The following MAL variants were observed in gnomAD, a reference collection of about 807,000 sequenced individuals.
MAL encodes the protein mal, T cell differentiation protein (MAL blood group), also known as myelin and lymphocyte protein.
A neutral mutation model predicts 16.7 loss-of-function variants in MAL; 5 were observed. The observed-to-expected ratio is 0.30, with a 90% CI of 0.16 to 0.63. MAL has a LOEUF of 0.63. Ranked by LOEUF, MAL falls within the 30% of genes least tolerant of loss-of-function variation. The probability of loss-of-function intolerance (pLI) is 0.82; values close to 1 mark genes in which losing one functional copy is unlikely to be tolerated. For synonymous variants in MAL, 96 were observed against 85.5 expected, an observed-to-expected ratio of 1.12 and a Z score of -0.67; for missense variants, 202 against 195.8, an observed-to-expected ratio of 1.03 and a Z score of -0.19.
Position 95,053,400 on chromosome 2 carries a change from C to T in MAL, c.407C>T (p.Thr136Ile). Residue 136 changes from threonine to isoleucine, a missense_variant, in exon 4 of 4, where the codon ACT becomes ATT. Thr to Ile is a moderately conservative substitution (Grantham distance 89). Coordinates refer to ENST00000309988, the MANE Select transcript of MAL (RefSeq NM_002371.4). ...TTCCAGGTGTTCTCCTACATAGCCA[C>T]TCTGCTCTACGTGGTCCATGCGGTG... ...IAAVVFSYIA[T>I]LLYVVHAVFS... 6.2e-7 allele frequency: 1 copy of T among 1,613,442 alleles called. No individual in the cohort carries two copies. Among genetic ancestry groups the T allele is most frequent in the Non-Finnish European group, 8.5e-7 (1 of 1,179,490 alleles).
intron 1 of MAL, among the ~76,000 whole-genome samples, chr2:95,029,993 C>T (rs1462128225): frequency 1.3e-5 from 2 of 152,194 alleles, no homozygotes; most frequent in African/African-American, 4.8e-5. Context: ...TTGTTGATGA[C>T]TCATAGTTCA....
At chr2:95,048,168 AGGAAGTACT>A (rs1558662069) in intron 2 of MAL, 42 bp downstream of exon 2, 3 of 1,555,116 alleles carry the variant, frequency 1.9e-6, no homozygotes, top group Non-Finnish European at 2.7e-6. Flanking sequence ...AGGGGGGCGC[AGGAAGTACT>A]GGTCCCTGGC....
chr2:95,043,821 C>T (rs1488866876), intron 1 of MAL, among the ~76,000 whole-genome samples: 1 of 152,246 alleles, frequency 6.6e-6, no homozygotes, highest in Non-Finnish European at 1.5e-5. Context: ...ATCTCCTGGG[C>T]AGTGCTGAGC....
chr2:95,031,984 C>T (rs903475449), intron 1 of MAL, among the ~76,000 whole-genome samples: 4 of 152,214 alleles, frequency 2.6e-5, no homozygotes, highest in Non-Finnish European at 5.9e-5. Flanking sequence ...TGGGGCTCAT[C>T]TCCACAGGAT....
Position 95,032,182 on chromosome 2 carries a change from C to T in MAL, c.93+6297C>T, listed in dbSNP as rs559602889. ...TGCTGCTGCCAGCAGCGCTCACACT[C>T]AGGTCGGCCAGGGACAAGGGCTGAA... On this transcript the variant is annotated intron_variant, in intron 1 of 3. Transcript: ENST00000309988. 3.3e-5 allele frequency among the ~76,000 whole-genome samples: 5 copies of T among 152,380 alleles called. No homozygotes were observed. In the South Asian group the frequency reaches 8.3e-4, roughly 25 times the overall value.
chr2:95,038,548 C>CTGAG (rs1337940040), intron 1 of MAL, among the ~76,000 whole-genome samples: 6 of 54,778 alleles, frequency 1.1e-4, no homozygotes, highest in Non-Finnish European at 2.0e-4. Flanking sequence ...GACTGAGTGA[C>CTGAG]TGAGTGAGTG....
rs1202629598 is a variant in MAL at position 95,036,765 on chromosome 2, GTGAGTGAGTGAC to G, written c.93+10900_93+10911del. Among the ~76,000 whole-genome samples the G allele has an allele frequency of 7.5e-4, 114 of 151,724 alleles. 3 individuals carry two copies. The highest frequency in any genetic ancestry group is 2.7e-3 in the African/African-American group (110 of 41,408). ...AGTGAGTGACCGAGTGAGTGACTGAGTGAGTGAGTGACTGAGTGAGTGACTGAGTGACTGAGT... is the reference window on the plus strand; with the variant it reads ...AGTGAGTGACCGAGTGAGTGACTGAGTGAGTGAGTGACTGAGTGACTGAGT... On this transcript the variant is annotated intron_variant, in intron 1 of 3. Transcript: ENST00000309988.
intron 1 of MAL, among the ~76,000 whole-genome samples, chr2:95,045,423 C>T (rs543655724): frequency 1.2e-4 from 18 of 152,264 alleles, no homozygotes; most frequent in South Asian, 1.0e-3. Context: ...ACTTGGACAC[C>T]GATGCATGGC....
intron 1 of MAL, among the ~76,000 whole-genome samples, chr2:95,040,529 C>T (rs1386527639): frequency 1.3e-5 from 2 of 152,308 alleles, no homozygotes; most frequent in Admixed American, 1.3e-4. Flanking sequence ...CTCTCCTGAA[C>T]CACACAGTTG....
At chr2:95,045,914 A>G (rs1674575610) in intron 1 of MAL, among the ~76,000 whole-genome samples, 1 of 152,184 alleles carries the variant, frequency 6.6e-6, no homozygotes, top group African/African-American at 2.4e-5. Flanking sequence ...TTTTTATTTA[A>G]TTGATTTTGC....
In MAL at chr2:95,048,037, G is replaced by C; in HGVS notation, c.172G>C (p.Val58Leu). The C allele has an allele frequency of 6.2e-7, 1 of 1,613,946 alleles. No individual in the cohort carries two copies. Among genetic ancestry groups the C allele is most frequent in the Non-Finnish European group, 8.5e-7 (1 of 1,179,924 alleles). ...WPLVQGWVMF[V>L]SVFCFVATTT... The stretch of plus-strand genomic sequence containing the variant: ...CCTGGTCCAGGGCTGGGTGATGTTC[G>C]TGTCTGTGTTCTGCTTCGTGGCCAC... Residue 58 changes from valine (V) to leucine (L), a missense_variant, in exon 2 of 4, where the codon GTG (valine) becomes CTG (leucine). Transcript: ENST00000309988.
chr2:95,040,622 T>G (rs1674438244), intron 1 of MAL, among the ~76,000 whole-genome samples: 1 of 152,078 alleles, frequency 6.6e-6, no homozygotes, highest in Non-Finnish European at 1.5e-5. Flanking sequence ...AGTGAGTGAA[T>G]AGATTGCCAG....
At position 95,025,970 on chromosome 2, in the gene MAL, C is replaced by A; in HGVS notation, c.93+85C>A. 8.3e-7 allele frequency: 1 copy of A among 1,203,526 alleles called. No individual in the cohort carries two copies. Among genetic ancestry groups the A allele is most frequent in the Non-Finnish European group, 1.2e-6 (1 of 859,344 alleles). The allele number at this position is 1,203,526 out of a possible 1,614,324, so 74.6% of individuals were successfully genotyped here. ...GCCCAGCACAGCTGTCGGACGGGAT[C>A]CGCTAGCTGCGCAGGTTCTGGGAGC... On this transcript the variant is annotated intron_variant, in intron 1 of 3. Coordinates refer to ENST00000309988, the MANE Select transcript of MAL (RefSeq NM_002371.4). This position sits in a 1 kb window ranked among gnomAD's most constrained non-coding sequence, Gnocchi z 5.6.
In MAL at chr2:95,048,130, A is replaced by G; in HGVS notation, c.261+4A>G. 6.2e-7 allele frequency: 1 copy of G among 1,608,652 alleles called. No homozygotes were observed. Among genetic ancestry groups the G allele is most frequent in the Non-Finnish European group, 8.5e-7 (1 of 1,175,110 alleles). ...AGAGACTTCCTGGGTCACCTTGGTGAGTCCAGCCCAGGGTGGCTGCTGGTT... is the reference window on the plus strand; with the variant it reads ...AGAGACTTCCTGGGTCACCTTGGTGGGTCCAGCCCAGGGTGGCTGCTGGTT... On this transcript the variant is annotated splice_donor_region_variant and intron_variant, in intron 2 of 3. Coordinates refer to ENST00000309988, the MANE Select transcript of MAL (RefSeq NM_002371.4).
intron 1 of MAL, among the ~76,000 whole-genome samples, chr2:95,047,012 G>A (rs1353738560): frequency 6.7e-6 from 1 of 149,612 alleles, no homozygotes; most frequent in East Asian, 2.0e-4. Flanking sequence ...GAGAGGGAGG[G>A]AGGGAAGAAG....
intron 1 of MAL, among the ~76,000 whole-genome samples, chr2:95,039,657 CTGAG>C (rs1330878714): frequency 1.4e-5 from 2 of 137,962 alleles, no homozygotes; most frequent in African/African-American, 2.8e-5. Flanking sequence ...TGAGTGAGGA[CTGAG>C]TGAGTGAGGA....
chr2:95,043,243 C>T (rs1242276308), intron 1 of MAL, among the ~76,000 whole-genome samples: 6 of 152,246 alleles, frequency 3.9e-5, no homozygotes, highest in Non-Finnish European at 7.3e-5. Flanking sequence ...TCTGCCCACT[C>T]GGGGCTGGTT....
chr2:95,034,951 A>G (rs952530162), intron 1 of MAL, among the ~76,000 whole-genome samples: 1 of 152,202 alleles, frequency 6.6e-6, no homozygotes, highest in African/African-American at 2.4e-5. Flanking sequence ...GGCACAGATC[A>G]AGAACTCTGA....
chr2:95,046,973 A>G (rs1185506156), intron 1 of MAL, among the ~76,000 whole-genome samples: 2 of 150,336 alleles, frequency 1.3e-5, no homozygotes, highest in African/African-American at 4.9e-5. Context: ...AAGAAAGAAG[A>G]AAGAAAGAAA....
Sources: allele counts gnomAD v4.1 joint callset (sites outside exome capture counted in the v4.1 genomes callset), GRCh38; gene constraint gnomAD v4.1.1; non-coding constraint Gnocchi (gnomAD v3.1); transcripts MANE v1.5; gene names NCBI Gene and HGNC (gene_info 2026-07-23, HGNC 2026-07-21).